Variants in GALNT10 observed in about 807,000 individuals in gnomAD.
The protein encoded by GALNT10 is polypeptide N-acetylgalactosaminyltransferase 10, also known as GalNAc transferase 10.
In GALNT10, 41 loss-of-function variants were observed where a neutral mutation model predicts 75.0. That is an observed-to-expected ratio of 0.55 (90% CI 0.43 to 0.71). GALNT10 has a LOEUF of 0.71. GALNT10 is among the 30% of genes least tolerant of loss of function. The pLI is 0.00. For synonymous variants in GALNT10, 302 were observed against 313.0 expected (o/e 0.96, Z 0.37); for missense variants, 727 against 818.5 (o/e 0.89, Z 1.36).
intron 5 of GALNT10, among the ~76,000 whole-genome samples, chr5:154,378,908 G>A (rs1342638090): frequency 6.6e-6 from 1 of 151,708 alleles, no homozygotes; most frequent in African/African-American, 2.4e-5. Context: ...ACAATTAAAT[G>A]GGAGGCCCTA....
intron 1 of GALNT10, among the ~76,000 whole-genome samples, chr5:154,248,178 A>G (rs879604244): frequency 2.6e-5 from 4 of 152,204 alleles, no homozygotes; most frequent in Non-Finnish European, 4.4e-5. Flanking sequence ...ATCATGGTGG[A>G]TAAGCTTTTT....
chr5:154,225,688 G>A (rs1158247998), intron 1 of GALNT10, among the ~76,000 whole-genome samples: 1 of 76,576 alleles, frequency 1.3e-5, no homozygotes, highest in Non-Finnish European at 3.5e-5. Flanking sequence ...ACAGGTGTGA[G>A]CCACTATGCC....
At chr5:154,300,374 T>C (rs1754341972) in intron 3 of GALNT10, among the ~76,000 whole-genome samples, 1 of 152,172 alleles carries the variant, frequency 6.6e-6, no homozygotes, top group Non-Finnish European at 1.5e-5. Flanking sequence ...TACTGTGGGT[T>C]CTCAACCCTG....
chr5:154,323,879 T>C (rs1331884963), intron 3 of GALNT10, among the ~76,000 whole-genome samples: 1 of 152,224 alleles, frequency 6.6e-6, no homozygotes, highest in African/African-American at 2.4e-5. Context: ...TGTTACACTG[T>C]GGAGTGCCGC....
chr5:154,257,812 G>A (rs1346166369), intron 1 of GALNT10, among the ~76,000 whole-genome samples: 1 of 152,192 alleles, frequency 6.6e-6, no homozygotes, highest in Non-Finnish European at 1.5e-5. Context: ...TCATTAGGGA[G>A]TGAGGTTTTT....
At chr5:154,285,612 G>C (rs1054195540) in intron 1 of GALNT10, among the ~76,000 whole-genome samples, 1 of 151,990 alleles carries the variant, frequency 6.6e-6, no homozygotes, top group Non-Finnish European at 1.5e-5. Flanking sequence ...AAAAAAATCT[G>C]TGTGTGCCCA....
rs145993797 is a variant in GALNT10, at chr5:154,207,785, A to G, written c.159+16760A>G. 7.1e-3 allele frequency among the ~76,000 whole-genome samples: 1,078 copies of G among 152,264 alleles called. 7 individuals carry two copies. Among genetic ancestry groups the G allele is most frequent in the Non-Finnish European group, 0.011 (770 of 68,020 alleles). Reference sequence around the variant, plus strand: ...AGGGTGTGCAGGGTCTCCTAAGCTCATTATTCCTGGCCCCAGGAGTGGGGC... The same window carrying G: ...AGGGTGTGCAGGGTCTCCTAAGCTCGTTATTCCTGGCCCCAGGAGTGGGGC... On this transcript the variant is annotated intron_variant, in intron 1 of 11. Coordinates refer to ENST00000297107, the MANE Select transcript of GALNT10 (RefSeq NM_198321.4).
At chr5:154,210,212 C>T (rs1011290333) in intron 1 of GALNT10, among the ~76,000 whole-genome samples, 2 of 152,138 alleles carry the variant, frequency 1.3e-5, no homozygotes, top group Non-Finnish European at 2.9e-5. Flanking sequence ...ACACTGTGCC[C>T]TCACCCACCT....
At chr5:154,322,025 A>G (rs1331983162) in intron 3 of GALNT10, among the ~76,000 whole-genome samples, 1 of 152,230 alleles carries the variant, frequency 6.6e-6, no homozygotes, top group Non-Finnish European at 1.5e-5. Flanking sequence ...TAGCTGCCAT[A>G]ACAAGTTACC....
intron 4 of GALNT10, among the ~76,000 whole-genome samples, chr5:154,355,821 G>A (rs1399217200): frequency 6.6e-6 from 1 of 152,202 alleles, no homozygotes; most frequent in Non-Finnish European, 1.5e-5. Context: ...ACATTTTAGA[G>A]ATGAGGACAT....
At chr5:154,387,768 C>T (rs1335841435) in intron 7 of GALNT10, 1 of 150,062 alleles carries the variant, frequency 6.7e-6, no homozygotes, top group Non-Finnish European at 1.5e-5. Flanking sequence ...ATATTATTAT[C>T]TGCAACAGTG....
At chr5:154,284,415 G>A (rs1165974521) in intron 1 of GALNT10, among the ~76,000 whole-genome samples, 6 of 152,170 alleles carry the variant, frequency 3.9e-5, no homozygotes, top group East Asian at 3.8e-4. Context: ...TTATTACTGC[G>A]TGGCTCAACC....
chr5:154,201,574 T>TTTG lies in GALNT10; in HGVS notation c.159+10570_159+10572dup, dbSNP rs548986990. Reference sequence around the variant, plus strand: ...TCAGGTCTACCCTGTCTAATAAAGTTTTGTTGTTGTTGTTGTTGTTGTTTT... The same window carrying TTTG: ...TCAGGTCTACCCTGTCTAATAAAGTTTTGTTGTTGTTGTTGTTGTTGTTGTTTT... On this transcript the variant is annotated intron_variant, in intron 1 of 11. Transcript: ENST00000297107. Among the ~76,000 whole-genome samples, 246 of 152,066 alleles carry TTTG rather than the reference T, an allele frequency of 1.6e-3. 2 individuals are homozygous for TTTG. In the South Asian group the frequency reaches 0.022, roughly 14 times the overall value.
At chr5:154,217,687 GGCCCCT>G (rs769437547) in intron 1 of GALNT10, among the ~76,000 whole-genome samples, 99 of 152,270 alleles carry the variant, frequency 6.5e-4, no homozygotes, top group South Asian at 3.3e-3. Context: ...TGTGGTGAGG[GGCCCCT>G]GCCCTCTCAA....
chr5:154,207,315 C>G (rs781249464), intron 1 of GALNT10, among the ~76,000 whole-genome samples: 1 of 152,100 alleles, frequency 6.6e-6, no homozygotes, highest in Non-Finnish European at 1.5e-5. Context: ...GTGCCCTGGC[C>G]CCTCGAGAGC....
chr5:154,399,233 C>T (rs546063304), intron 7 of GALNT10, among the ~76,000 whole-genome samples: 4 of 152,244 alleles, frequency 2.6e-5, no homozygotes, highest in South Asian at 4.2e-4. Context: ...AAGGGAGGAG[C>T]CTAAAGATAC....
intron 1 of GALNT10, among the ~76,000 whole-genome samples, chr5:154,226,019 A>T (rs1256772562): frequency 6.6e-6 from 1 of 152,050 alleles, no homozygotes; most frequent in Non-Finnish European, 1.5e-5. Context: ...GCATTAGGAG[A>T]TATACCTAAT....
In GALNT10 at chr5:154,312,606, A is replaced by C. The variant is rs1336641363; in HGVS notation, c.401+14527A>C. Among the ~76,000 whole-genome samples the C allele has an allele frequency of 4.6e-5, 7 of 152,182 alleles. No homozygotes were observed. The South Asian group carries it at 1.2e-3, about 27-fold the overall frequency. ...TAATAGCTGTGTAATATTCCATAGG[A>C]ATATAATTTAGTCAACAGTTCCTCT... On this transcript the variant is annotated intron_variant, in intron 3 of 11. Coordinates refer to ENST00000297107, the MANE Select transcript of GALNT10 (RefSeq NM_198321.4).
chr5:154,323,513 G>C (rs1754707695), intron 3 of GALNT10, among the ~76,000 whole-genome samples: 1 of 152,324 alleles, frequency 6.6e-6, no homozygotes, highest in Non-Finnish European at 1.5e-5. Context: ...GGAAGGAGGG[G>C]CCAGGAAAGA....
Sources: gnomAD v4.1 joint callset for allele counts (sites outside exome capture counted in the v4.1 genomes callset) on GRCh38, gnomAD v4.1.1 for gene constraint, MANE v1.5 for transcripts, NCBI Gene and HGNC (gene_info 2026-07-23, HGNC 2026-07-21) for gene names.